Variants in KIAA1958 observed in about 807,000 individuals in gnomAD.
KIAA1958 encodes the protein KIAA1958, also known as uncharacterized protein KIAA1958.
A neutral mutation model predicts 47.2 loss-of-function variants in KIAA1958; 14 were observed. The observed-to-expected ratio is 0.30, with a 90% confidence interval of 0.20 to 0.46. The LOEUF (loss-of-function observed/expected upper bound fraction) is 0.46. Among genes scored for constraint, KIAA1958 ranks in the 20% least tolerant of loss-of-function variants. The probability of loss-of-function intolerance (pLI) is 1.00; values close to 1 mark genes in which losing one functional copy is unlikely to be tolerated. For missense variants in KIAA1958, 803 were observed against 909.2 expected, an observed-to-expected ratio of 0.88 and a Z score of 1.50; for synonymous variants, 354 against 353.3, an observed-to-expected ratio of 1.00 and a Z score of -0.02.
rs560309476 is a variant in KIAA1958 at position 112,552,940 on chromosome 9, G to C, written c.-24-21117G>C. Among the ~76,000 whole-genome samples, 88 of 152,172 alleles carry C rather than the reference G, an allele frequency of 5.8e-4. 1 individual carries two copies. Among genetic ancestry groups the C allele is most frequent in the African/African-American group, 2.0e-3 (85 of 41,494 alleles). On this transcript the variant is annotated intron_variant, in intron 1 of 3. Transcript: ENST00000337530. ...TCCCTTTATGATGGGGAAGAGCGGG[G>C]AGCACTGAGCCTGGTGCGCGCACAG...
intron 2 of KIAA1958, among the ~76,000 whole-genome samples, chr9:112,602,114 T>C (rs957213243): frequency 6.6e-6 from 1 of 151,906 alleles, no homozygotes; most frequent in Non-Finnish European, 1.5e-5. Flanking sequence ...ATGCAAGGAG[T>C]TGGGTGTTTA....
At chr9:112,521,368 A>G (rs1157837767) in intron 1 of KIAA1958, among the ~76,000 whole-genome samples, 1 of 152,056 alleles carries the variant, frequency 6.6e-6, no homozygotes, top group Non-Finnish European at 1.5e-5. Flanking sequence ...GTGTGCCACT[A>G]TGCCCGGCTA....
At chr9:112,566,609 A>G (rs1045723069) in intron 1 of KIAA1958, among the ~76,000 whole-genome samples, 1 of 152,218 alleles carries the variant, frequency 6.6e-6, no homozygotes, top group Non-Finnish European at 1.5e-5. Flanking sequence ...CCCTGCCTCA[A>G]AAAAATACTG....
intron 1 of KIAA1958, among the ~76,000 whole-genome samples, chr9:112,554,089 A>G (rs527868725): frequency 1.3e-5 from 2 of 152,332 alleles, no homozygotes; most frequent in South Asian, 4.1e-4. Context: ...TTTGACCAAA[A>G]GAACTACAGA....
intron 1 of KIAA1958, among the ~76,000 whole-genome samples, chr9:112,550,781 C>T (rs1229146369): frequency 6.6e-6 from 1 of 152,160 alleles, no homozygotes; most frequent in Non-Finnish European, 1.5e-5. Context: ...GTCATGTAAA[C>T]TTGTATCACC....
intron 2 of KIAA1958, among the ~76,000 whole-genome samples, chr9:112,621,930 T>TG (rs1212813818): frequency 4.6e-5 from 7 of 152,132 alleles, no homozygotes; most frequent in Non-Finnish European, 8.8e-5. Context: ...TTTGTAGAGA[T>TG]GGGGTCTCAC....
Position 112,574,122 on chromosome 9 carries a change from A to G in KIAA1958, c.42A>G (p.Lys14=). The G allele has an allele frequency of 6.2e-7, 1 of 1,609,764 alleles. No homozygotes were observed. Among genetic ancestry groups the G allele is most frequent in the Non-Finnish European group, 8.5e-7 (1 of 1,177,212 alleles). Reference sequence around the variant, plus strand: ...ATACCTCATCTGAGAATCTGTCCAAATTGGTCAGCTGGGCCCATAGCCATG... The same window carrying G: ...ATACCTCATCTGAGAATCTGTCCAAGTTGGTCAGCTGGGCCCATAGCCATG... ...CLHTSSENLS[K]LVSWAHSHGT... is the part of the protein sequence containing the mutation. Residue 14 remains lysine (K), a synonymous_variant, in exon 2 of 4, where the codon AAA becomes AAG. Transcript: ENST00000337530.
intron 2 of KIAA1958, among the ~76,000 whole-genome samples, chr9:112,614,294 T>C: frequency 6.6e-6 from 1 of 152,096 alleles, no homozygotes; most frequent in South Asian, 2.1e-4. Context: ...GAGAAAGGCT[T>C]CTCGGGTGCT....
intron 1 of KIAA1958, among the ~76,000 whole-genome samples, chr9:112,491,493 C>A (rs1041029566): frequency 6.6e-6 from 1 of 151,886 alleles, no homozygotes. Flanking sequence ...CTCTTTAGCT[C>A]CAGAGATAGG....
intron 1 of KIAA1958, among the ~76,000 whole-genome samples, chr9:112,548,146 G>A (rs2132834346): frequency 6.6e-6 from 1 of 151,928 alleles, no homozygotes; most frequent in South Asian, 2.1e-4. Flanking sequence ...TGGGACTACA[G>A]GCAAGCGCCA....
intron 2 of KIAA1958, chr9:112,582,031 AG>A: frequency 4.3e-6 from 1 of 232,330 alleles, no homozygotes. Flanking sequence ...TTACCTCATT[AG>A]GGAAGCTTCA....
intron 2 of KIAA1958, among the ~76,000 whole-genome samples, chr9:112,629,306 C>T (rs977565403): frequency 1.3e-5 from 2 of 152,094 alleles, no homozygotes; most frequent in Non-Finnish European, 2.9e-5. Flanking sequence ...TACTTTTCCC[C>T]AAATTTGATA....
chr9:112,559,937 C>A (rs1428927977), intron 1 of KIAA1958, among the ~76,000 whole-genome samples: 1 of 152,128 alleles, frequency 6.6e-6, no homozygotes, highest in African/African-American at 2.4e-5. Context: ...CATTGCAATT[C>A]ATTTTAATCC....
intron 1 of KIAA1958, among the ~76,000 whole-genome samples, chr9:112,487,946 C>CGTGTGTGT (rs57108785): frequency 0.094 from 13,697 of 145,694 alleles, 724 homozygotes; most frequent in Middle Eastern, 0.15. Flanking sequence ...AGTGTGTGTG[C>CGTGTGTGT]GTGTGTGTGT....
At chr9:112,512,359 A>G in intron 1 of KIAA1958, among the ~76,000 whole-genome samples, 1 of 152,192 alleles carries the variant, frequency 6.6e-6, no homozygotes, top group East Asian at 1.9e-4. Flanking sequence ...ACTCAGGAAA[A>G]CAGTTTATTA....
chr9:112,669,196 C>T lies in KIAA1958; in HGVS notation c.*9127C>T, dbSNP rs1301368597. The T allele has an allele frequency of 6.6e-6, 1 of 152,158 alleles. No individual in the cohort carries two copies. Among genetic ancestry groups the T allele is most frequent in the East Asian group, 1.9e-4 (1 of 5,186 alleles). The allele number at this position is 152,158 out of a possible 1,614,324, so 9.4% of individuals were successfully genotyped here. On this transcript the variant is annotated 3_prime_UTR_variant, in exon 4 of 4. Transcript: ENST00000337530. ...AGTGGGTGTCACTCCTATTTTCTGT[C>T]CTAGAGTGTCAGCGTTGGAAGGGAT...
At chr9:112,647,533 AAAC>A (rs1436693080) in intron 3 of KIAA1958, among the ~76,000 whole-genome samples, 13 of 152,234 alleles carry the variant, frequency 8.5e-5, no homozygotes, top group Admixed American at 7.9e-4. Context: ...TAAAAACAAC[AAAC>A]AACAGATTTA....
intron 2 of KIAA1958, among the ~76,000 whole-genome samples, chr9:112,579,945 C>T (rs1377341884): frequency 1.3e-5 from 2 of 152,172 alleles, no homozygotes; most frequent in African/African-American, 2.4e-5. Flanking sequence ...ATCAAGTTTC[C>T]CTCTTGCCAT....
At chr9:112,592,192 GTTAAGT>G (rs1426851173) in intron 2 of KIAA1958, among the ~76,000 whole-genome samples, 1 of 152,200 alleles carries the variant, frequency 6.6e-6, no homozygotes, top group African/African-American at 2.4e-5. Flanking sequence ...TTACGAGGAA[GTTAAGT>G]TTAAAAGTAG....
Sources: gnomAD v4.1 joint callset for allele counts (sites outside exome capture counted in the v4.1 genomes callset) on GRCh38, gnomAD v4.1.1 for gene constraint, MANE v1.5 for transcripts, NCBI Gene and HGNC (gene_info 2026-07-23, HGNC 2026-07-21) for gene names.